The following RGS7 variants were observed in gnomAD, a reference collection of about 807,000 sequenced individuals.
RGS7 encodes regulator of G-protein signaling 7.
Under a neutral mutation model 81.1 loss-of-function variants are expected in RGS7, and 27 were observed. The observed-to-expected ratio is 0.33, with a 90% CI of 0.25 to 0.46. The LOEUF (loss-of-function observed/expected upper bound fraction) is 0.46, where lower values mean the gene tolerates loss of function less well. Ranked by LOEUF, RGS7 falls within the 20% of genes least tolerant of loss-of-function variation. RGS7 has a pLI of 1.00. For missense variants in RGS7, 396 were observed against 607.4 expected, an observed-to-expected ratio of 0.65 and a Z score of 3.66; for synonymous variants, 208 against 207.7, an observed-to-expected ratio of 1.00 and a Z score of -0.01.
intron 3 of RGS7, among the ~76,000 whole-genome samples, chr1:241,091,369 A>G (rs2063859478): frequency 6.6e-6 from 1 of 151,674 alleles, no homozygotes; most frequent in Non-Finnish European, 1.5e-5. Flanking sequence ...TAACACGGTG[A>G]AACCCCGTCT....
rs749815534 is a variant in RGS7, at chr1:241,087,995, TAC to T, written c.175+10669_175+10670del. Among the ~76,000 whole-genome samples, 86 of 116,342 alleles carry T rather than the reference TAC, an allele frequency of 7.4e-4. 1 individual carries two copies. Among genetic ancestry groups the T allele is most frequent in the African/African-American group, 2.9e-3 (81 of 27,856 alleles). The allele number at this position is 116,342 out of a possible 152,430, so 76.3% of individuals were successfully genotyped here. On this transcript the variant is annotated intron_variant, in intron 3 of 18. Transcript: ENST00000440928. ...CTCTCTCTATATATATATATATATA[TAC>T]ACACACACACATATATATATACACA...
chr1:241,044,103 GTTTTTTTTGT>G (rs1422982884), intron 3 of RGS7, among the ~76,000 whole-genome samples: 29 of 140,890 alleles, frequency 2.1e-4, no homozygotes, highest in East Asian at 1.4e-3. Context: ...CTTTCTTTTT[GTTTTTTTTGT>G]TTTTTTTTTT....
chr1:241,217,347 T>C (rs1558199084), intron 2 of RGS7, among the ~76,000 whole-genome samples: 3 of 152,170 alleles, frequency 2.0e-5, no homozygotes, highest in Admixed American at 6.5e-5. Context: ...TAAATGTCTG[T>C]TGTTGAAGCT....
At chr1:241,210,941 A>G (rs1404519663) in intron 2 of RGS7, among the ~76,000 whole-genome samples, 1 of 152,166 alleles carries the variant, frequency 6.6e-6, no homozygotes, top group Non-Finnish European at 1.5e-5. Flanking sequence ...AACCAAACTA[A>G]ATGTCCTCTG....
rs544031233 is a variant in RGS7, at chr1:240,932,319, A to G, written c.334-1551T>C. On this transcript the variant is annotated intron_variant, in intron 5 of 18. Coordinates refer to ENST00000440928, the MANE Select transcript of RGS7 (RefSeq NM_001364886.1). ...CATCGTAGGAATTCTGAAGAAAGAA[A>G]AAAAGACTAAACTGCTAGACAAAAG... Among the ~76,000 whole-genome samples, 20 of 152,292 alleles carry G rather than the reference A, an allele frequency of 1.3e-4. No homozygotes were observed. In the South Asian group the frequency reaches 2.9e-3, roughly 22 times the overall value.
chr1:240,829,626 C>G (rs1460336787), intron 9 of RGS7, among the ~76,000 whole-genome samples: 1 of 152,098 alleles, frequency 6.6e-6, no homozygotes, highest in Non-Finnish European at 1.5e-5. Flanking sequence ...AAACTCCTAT[C>G]AACATATCAG....
chr1:240,835,356 T>C (rs1694553152), intron 9 of RGS7, among the ~76,000 whole-genome samples: 1 of 152,218 alleles, frequency 6.6e-6, no homozygotes, highest in Non-Finnish European at 1.5e-5. Flanking sequence ...CCACATCGTA[T>C]GTCATTGGGA....
intron 18 of RGS7, among the ~76,000 whole-genome samples, chr1:240,777,884 G>A (rs867304604): frequency 5.4e-3 from 719 of 133,094 alleles, no homozygotes; most frequent in African/African-American, 0.022. Context: ...CAAAGGCCCT[G>A]ACTCCTAATA....
chr1:240,960,666 C>T (rs993514060), intron 4 of RGS7, among the ~76,000 whole-genome samples: 1 of 151,144 alleles, frequency 6.6e-6, no homozygotes, highest in African/African-American at 2.4e-5. Context: ...CCTTACCCGA[C>T]CTATTTAGAA....
Position 241,146,113 on chromosome 1 carries a change from CA to C in RGS7, c.79-47352del, listed in dbSNP as rs547833617. ...GATGGGAAGGTGAAGGAAGGAAAAG[CA>C]AACACAGTCAGCCCTCCCTCCACAC... On this transcript the variant is annotated intron_variant, in intron 2 of 18. Transcript: ENST00000440928. Among the ~76,000 whole-genome samples, 22 of 152,198 alleles carry C rather than the reference CA, an allele frequency of 1.4e-4. No individual in the cohort carries two copies. In the East Asian group the frequency reaches 4.1e-3, roughly 28 times the overall value.
intron 3 of RGS7, among the ~76,000 whole-genome samples, chr1:241,034,774 T>C (rs1350211992): frequency 1.3e-5 from 2 of 152,106 alleles, no homozygotes; most frequent in Non-Finnish European, 2.9e-5. Flanking sequence ...ATCGAGGCCA[T>C]AGGAAGTGAG....
At chr1:240,781,329 G>C (rs1684031789) in intron 18 of RGS7, among the ~76,000 whole-genome samples, 2 of 152,244 alleles carry the variant, frequency 1.3e-5, no homozygotes, top group Admixed American at 1.3e-4. Context: ...GTGTGGACCA[G>C]GCGAGGTGGC....
chr1:241,236,843 T>A lies in RGS7; in HGVS notation c.78+118856A>T, dbSNP rs75672746. Among the ~76,000 whole-genome samples, 35 of 44,800 alleles carry A rather than the reference T, an allele frequency of 7.8e-4. 1 individual carries two copies. Among genetic ancestry groups the A allele is most frequent in the Middle Eastern group, 0.012 (1 of 82 alleles). 29.4% of individuals were successfully genotyped at this position (44,800 alleles called of 152,430 possible). On this transcript the variant is annotated intron_variant, in intron 2 of 18. Coordinates refer to ENST00000440928, the MANE Select transcript of RGS7 (RefSeq NM_001364886.1). ...ATAATTCTAGGATCTATAAAAAAAATATCCATCTGATCTTCAATGTGTGTA... is the reference window on the plus strand; with the variant it reads ...ATAATTCTAGGATCTATAAAAAAAAAATCCATCTGATCTTCAATGTGTGTA...
rs1403695634 is a variant in RGS7, at chr1:240,892,807, C to G, written c.386-22688G>C. On this transcript the variant is annotated intron_variant, in intron 6 of 18. Transcript: ENST00000440928. Reference sequence around the variant, plus strand: ...TAAATCTTTTTCAACCACAGTCTCTCTGAACCTATTCTGATTTGGGGCTGC... The same window carrying G: ...TAAATCTTTTTCAACCACAGTCTCTGTGAACCTATTCTGATTTGGGGCTGC... Among the ~76,000 whole-genome samples, 5 of 152,250 alleles carry G rather than the reference C, an allele frequency of 3.3e-5. No homozygotes were observed. In the East Asian group the frequency reaches 9.6e-4, roughly 29 times the overall value.
intron 2 of RGS7, among the ~76,000 whole-genome samples, chr1:241,133,995 G>A (rs2067306592): frequency 6.6e-6 from 1 of 152,138 alleles, no homozygotes; most frequent in Non-Finnish European, 1.5e-5. Context: ...TCCAGCAAAG[G>A]AAAGCAGTAA....
chr1:241,119,990 C>T (rs571814527), intron 2 of RGS7, among the ~76,000 whole-genome samples: 1 of 152,320 alleles, frequency 6.6e-6, no homozygotes, highest in Non-Finnish European at 1.5e-5. Flanking sequence ...AGCCATCTTC[C>T]ACACTGTGGT....
chr1:240,819,863 A>C (rs1047730011), intron 10 of RGS7, among the ~76,000 whole-genome samples: 2 of 152,196 alleles, frequency 1.3e-5, no homozygotes, highest in Non-Finnish European at 2.9e-5. Context: ...CAGAGTTTCC[A>C]TTTCTTGTCT....
chr1:241,219,349 T>C (rs2074761711), intron 2 of RGS7, among the ~76,000 whole-genome samples: 1 of 152,174 alleles, frequency 6.6e-6, no homozygotes. Flanking sequence ...CTGCCATCCA[T>C]ATAAGACGTG....
intron 2 of RGS7, among the ~76,000 whole-genome samples, chr1:241,169,151 CA>C (rs2070511800): frequency 6.6e-6 from 1 of 152,026 alleles, no homozygotes; most frequent in Non-Finnish European, 1.5e-5. Context: ...GGATACTATA[CA>C]TACATACATT....
Sources: gnomAD v4.1 joint callset for allele counts (sites outside exome capture counted in the v4.1 genomes callset) on GRCh38, gnomAD v4.1.1 for gene constraint, MANE v1.5 for transcripts, NCBI Gene and HGNC (gene_info 2026-07-23, HGNC 2026-07-21) for gene names.